Variants in CRACD observed in about 807,000 individuals in gnomAD.
CRACD encodes the protein capping protein inhibiting regulator of actin dynamics.
A neutral mutation model predicts 106.8 loss-of-function variants in CRACD; 56 were observed. The ratio of observed to expected loss-of-function variants is 0.52; its 90% CI spans 0.42 to 0.66. The LOEUF (loss-of-function observed/expected upper bound fraction) is 0.66, where lower values mean the gene tolerates loss of function less well. Among genes scored for constraint, CRACD ranks in the 30% least tolerant of loss-of-function variants. The pLI is 0.00. For synonymous variants in CRACD, 754 were observed against 670.8 expected (o/e 1.12, Z -1.92); for missense variants, 1,730 against 1,623.2 (o/e 1.07, Z -1.13).
chr4:56,324,355 G>GA (rs1746298688), intron 10 of CRACD, 89 bp downstream of exon 10: 1 of 1,245,040 alleles, frequency 8.0e-7, no homozygotes, highest in Non-Finnish European at 1.1e-6. Flanking sequence ...ATGACTAGCA[G>GA]AGCACCTCAG....
chr4:56,320,924 G>A (rs1033496834), intron 8 of CRACD: 1 of 183,452 alleles, frequency 5.5e-6, no homozygotes, highest in Non-Finnish European at 1.2e-5. Flanking sequence ...CCCTGAGGTG[G>A]ACTCAGTTTA....
At chr4:56,104,123 G>A (rs531140912) in intron 1 of CRACD, among the ~76,000 whole-genome samples, 1 of 152,152 alleles carries the variant, frequency 6.6e-6, no homozygotes, top group African/African-American at 2.4e-5. Flanking sequence ...TTGTCTTCGC[G>A]CAGTAGCTCA....
chr4:56,142,199 A>AT (rs976694235), intron 1 of CRACD, among the ~76,000 whole-genome samples: 48 of 152,304 alleles, frequency 3.2e-4, no homozygotes, highest in African/African-American at 1.1e-3. Context: ...TACATTGATT[A>AT]TTTTTTAAAC....
chr4:56,062,307 A>G (rs1235832655), intron 1 of CRACD, among the ~76,000 whole-genome samples: 2 of 152,192 alleles, frequency 1.3e-5, no homozygotes, highest in Admixed American at 6.5e-5. Flanking sequence ...TAACAGTGTC[A>G]TTATGATTTT....
At chr4:56,204,892 GC>G (rs1465689764) in intron 2 of CRACD, among the ~76,000 whole-genome samples, 17 of 152,270 alleles carry the variant, frequency 1.1e-4, no homozygotes, top group Non-Finnish European at 1.8e-4. Context: ...AGGTACAGTG[GC>G]TCATGCCTGT....
rs150218446 is a variant in CRACD, at chr4:56,240,231, G to A, written c.-188-32090G>A. Among the ~76,000 whole-genome samples the A allele has an allele frequency of 3.9e-3, 590 of 152,114 alleles. 3 individuals are homozygous for A. The highest frequency in any genetic ancestry group is 6.5e-3 in the Non-Finnish European group (445 of 68,004). On this transcript the variant is annotated intron_variant, in intron 2 of 10. Transcript: ENST00000682029. ...GGAAATGGGGAAGATCAAGGAGGAC[G>A]TGGACAAAAAACACCGTGATAGAGA...
chr4:56,310,085 A>G (rs1486933397), intron 5 of CRACD, among the ~76,000 whole-genome samples: 2 of 151,282 alleles, frequency 1.3e-5, no homozygotes, highest in Non-Finnish European at 2.9e-5. Context: ...GAAAGGTACA[A>G]ATGACCTCTG....
intron 1 of CRACD, among the ~76,000 whole-genome samples, chr4:56,103,214 A>G (rs914128262): frequency 5.9e-5 from 9 of 152,228 alleles, no homozygotes; most frequent in Admixed American, 5.9e-4. Context: ...ACGTACACAT[A>G]TTCTTCAGGA....
chr4:56,160,270 A>G (rs1018008341), intron 1 of CRACD, among the ~76,000 whole-genome samples: 22 of 148,646 alleles, frequency 1.5e-4, no homozygotes, highest in African/African-American at 1.7e-4. Flanking sequence ...GCAACCTCCA[A>G]TTCCTGGGTT....
chr4:56,246,962 T>G (rs983045131), intron 2 of CRACD, among the ~76,000 whole-genome samples: 8 of 152,238 alleles, frequency 5.3e-5, no homozygotes, highest in Non-Finnish European at 1.2e-4. Context: ...GTACTGCTGT[T>G]AATATTTAGA....
chr4:56,216,957 G>A (rs7686319), intron 2 of CRACD, among the ~76,000 whole-genome samples: 34,770 of 143,414 alleles, frequency 0.24, 4,326 homozygotes, highest in South Asian at 0.36. Context: ...TCCGCAGTCC[G>A]GCCTGGGCGA....
intron 1 of CRACD, among the ~76,000 whole-genome samples, chr4:56,073,602 A>AAAT (rs1490528538): frequency 6.6e-6 from 1 of 152,004 alleles, no homozygotes; most frequent in Non-Finnish European, 1.5e-5. Flanking sequence ...TCTGCGTATT[A>AAAT]GCCTTTTGTC....
intron 1 of CRACD, among the ~76,000 whole-genome samples, chr4:56,175,402 G>C (rs932125278): frequency 6.6e-6 from 1 of 152,090 alleles, no homozygotes; most frequent in Admixed American, 6.6e-5. Flanking sequence ...TGTGGTTTTT[G>C]ATTTGCATTT....
chr4:56,294,913 C>CAAAAAAAAAAAAAAA (rs56200534), intron 3 of CRACD, among the ~76,000 whole-genome samples: 7 of 72,154 alleles, frequency 9.7e-5, no homozygotes, highest in African/African-American at 3.6e-4. Flanking sequence ...GACCTTGTCT[C>CAAAAAAAAAAAAAAA]AAAAAAAAAA....
intron 1 of CRACD, among the ~76,000 whole-genome samples, chr4:56,087,617 T>G (rs1407119727): frequency 6.6e-6 from 1 of 152,210 alleles, no homozygotes; most frequent in Non-Finnish European, 1.5e-5. Flanking sequence ...TGCTTATTGC[T>G]GCCAAGTGTG....
intron 1 of CRACD, among the ~76,000 whole-genome samples, chr4:56,158,887 C>G (rs1368582677): frequency 6.6e-6 from 1 of 152,256 alleles, no homozygotes; most frequent in Non-Finnish European, 1.5e-5. Context: ...CAAGCCTGCA[C>G]GCTTTCTCCC....
chr4:56,242,175 G>A lies in CRACD; in HGVS notation c.-188-30146G>A, dbSNP rs944624385. 9.2e-5 allele frequency among the ~76,000 whole-genome samples: 14 copies of A among 152,174 alleles called. No homozygotes were observed. In the South Asian group the frequency reaches 1.7e-3, roughly 18 times the overall value. On this transcript the variant is annotated intron_variant, in intron 2 of 10. Coordinates refer to ENST00000682029, the MANE Select transcript of CRACD (RefSeq NM_001393381.1). ...TGGGGTGGGGGATGACTTCACAATC[G>A]CAAGTCTTGAATATCGTTGCCAATA...
At chr4:56,183,139 A>G (rs1331934004) in intron 2 of CRACD, among the ~76,000 whole-genome samples, 1 of 145,280 alleles carries the variant, frequency 6.9e-6, no homozygotes, top group Non-Finnish European at 1.5e-5. Context: ...AGGCTGAGGC[A>G]GGAGAATTGC....
chr4:56,282,396 G>A (rs1403212784), intron 3 of CRACD, among the ~76,000 whole-genome samples: 1 of 152,176 alleles, frequency 6.6e-6, no homozygotes, highest in Non-Finnish European at 1.5e-5. Flanking sequence ...ATTTCCCTCT[G>A]TAGGCTCACA....
Sources: gnomAD v4.1 joint callset for allele counts (sites outside exome capture counted in the v4.1 genomes callset) on GRCh38, gnomAD v4.1.1 for gene constraint, MANE v1.5 for transcripts, NCBI Gene and HGNC (gene_info 2026-07-23, HGNC 2026-07-21) for gene names.